Variants in PTPRQ observed in about 807,000 individuals in gnomAD.
PTPRQ encodes protein tyrosine phosphatase receptor type Q.
Under a neutral mutation model 246.0 loss-of-function variants are expected in PTPRQ, and 199 were observed. The observed-to-expected ratio is 0.81, with a 90% CI of 0.72 to 0.91. PTPRQ has a LOEUF of 0.91. Among genes scored for constraint, PTPRQ ranks in the 40% least tolerant of loss-of-function variants. The pLI, the probability that PTPRQ is intolerant of heterozygous loss-of-function variation, is 0.00. For missense variants in PTPRQ, 2,624 were observed against 2,528.4 expected, an observed-to-expected ratio of 1.04 and a Z score of -0.81; for synonymous variants, 869 against 853.2, an observed-to-expected ratio of 1.02 and a Z score of -0.32.
intron 25 of PTPRQ, among the ~76,000 whole-genome samples, chr12:80,552,145 G>A (rs2120880266): frequency 6.6e-6 from 1 of 152,218 alleles, no homozygotes; most frequent in Middle Eastern, 3.4e-3. Context: ...ATGTATTGGA[G>A]AGTACTGGAG....
In PTPRQ at chr12:80,649,655, C is replaced by T; in HGVS notation, c.6010C>T (p.Gln2004Ter). ...TTGCACAAACAACAACCTAAAGTTT[C>T]AAGAAGAATTTTCGGTATGTTACTA... is the stretch of plus-strand genomic sequence containing the variant. ...ELCTNNNLKF[Q>*]EEFSELPKFL... The change falls in exon 37 of 45, where the codon CAA becomes TAA. Residue 2004 changes from glutamine (Q) to a stop codon, truncating the protein, a stop_gained. Coordinates refer to ENST00000644991, the MANE Select transcript of PTPRQ (RefSeq NM_001145026.2). LOFTEE classifies it high-confidence loss of function. 3 of 1,548,648 alleles carry T rather than the reference C, an allele frequency of 1.9e-6. No homozygotes were observed. The highest frequency in any genetic ancestry group is 2.6e-6 in the Non-Finnish European group (3 of 1,145,338).
intron 39 of PTPRQ, 99 bp downstream of exon 39, chr12:80,658,160 C>T: frequency 4.2e-6 from 3 of 712,898 alleles, no homozygotes; most frequent in Non-Finnish European, 6.0e-6. Flanking sequence ...TATTACAACT[C>T]CTATGGATCT....
At chr12:80,452,265 T>C (rs1279490816) in intron 3 of PTPRQ, among the ~76,000 whole-genome samples, 34 of 150,430 alleles carry the variant, frequency 2.3e-4, no homozygotes, top group East Asian at 9.7e-4. Context: ...TGTCTCTGCA[T>C]GTGAGATGGG....
chr12:80,649,073 A>G (rs1312923952), intron 36 of PTPRQ, 150 bp downstream of exon 36: 3 of 719,120 alleles, frequency 4.2e-6, no homozygotes, highest in African/African-American at 1.9e-5. Flanking sequence ...GACTAATTGC[A>G]TGGTAACTGG....
intron 17 of PTPRQ, among the ~76,000 whole-genome samples, chr12:80,531,229 A>C (rs572439375): frequency 2.0e-5 from 3 of 152,286 alleles, no homozygotes; most frequent in African/African-American, 7.2e-5. Flanking sequence ...CAAATTATGC[A>C]ACTACAAAAA....
intron 3 of PTPRQ, among the ~76,000 whole-genome samples, chr12:80,456,950 A>G (rs939690577): frequency 6.6e-5 from 10 of 152,186 alleles, no homozygotes; most frequent in African/African-American, 2.4e-4. Context: ...TGGTAGAACT[A>G]CAGTTAAGCC....
chr12:80,657,552 T>C (rs542901569), intron 38 of PTPRQ, among the ~76,000 whole-genome samples: 1 of 151,956 alleles, frequency 6.6e-6, no homozygotes, highest in East Asian at 1.9e-4. Context: ...CAACATTTTA[T>C]AATTACAAAG....
At chr12:80,561,740 A>T (rs1896833530) in intron 25 of PTPRQ, among the ~76,000 whole-genome samples, 1 of 152,058 alleles carries the variant, frequency 6.6e-6, no homozygotes, top group Non-Finnish European at 1.5e-5. Flanking sequence ...AAAAAGGGTC[A>T]GTTTTGCTTC....
In PTPRQ at chr12:80,534,116, C is replaced by A; in HGVS notation, c.2780C>A (p.Thr927Asn). The part of the protein sequence containing the change: ...VEYSAYVTAS[T>N]RFGDGKTRSN... ...TACAGTGCTTATGTAACAGCTAGCA[C>A]CAGATTTGGTGATGGGAAAACAAGA... is the stretch of plus-strand genomic sequence containing the variant. Residue 927 changes from threonine to asparagine, a missense_variant, in exon 18 of 45, where the codon ACC becomes AAC. By Grantham distance (65) the Thr-to-Asn change is moderately conservative. Transcript: ENST00000644991. 5.2e-6 allele frequency: 8 copies of A among 1,540,858 alleles called. No homozygotes were observed. Among genetic ancestry groups the A allele is most frequent in the South Asian group, 1.2e-5 (1 of 81,908 alleles).
chr12:80,457,316 C>T (rs996164390), intron 3 of PTPRQ, among the ~76,000 whole-genome samples: 3 of 152,052 alleles, frequency 2.0e-5, no homozygotes, highest in Non-Finnish European at 4.4e-5. Flanking sequence ...TGGATTCTTG[C>T]TCTACCATTT....
chr12:80,584,430 A>G (rs1897543956), intron 25 of PTPRQ, among the ~76,000 whole-genome samples: 1 of 152,190 alleles, frequency 6.6e-6, no homozygotes, highest in Non-Finnish European at 1.5e-5. Flanking sequence ...GGACAAATCA[A>G]GTAGTCTCTG....
intron 25 of PTPRQ, among the ~76,000 whole-genome samples, chr12:80,565,897 T>A (rs1896963692): frequency 6.6e-6 from 1 of 152,186 alleles, no homozygotes; most frequent in Admixed American, 6.6e-5. Context: ...AGCTATTTTA[T>A]AAATGTAAGA....
intron 17 of PTPRQ, among the ~76,000 whole-genome samples, chr12:80,531,825 T>G (rs1289455652): frequency 1.3e-5 from 2 of 152,180 alleles, no homozygotes; most frequent in Admixed American, 1.3e-4. Context: ...GAAAAAAATT[T>G]TTTTAGCTTA....
chr12:80,674,505 A>G (rs559048039), intron 43 of PTPRQ, among the ~76,000 whole-genome samples: 1 of 152,244 alleles, frequency 6.6e-6, no homozygotes, highest in Non-Finnish European at 1.5e-5. Context: ...TCCTCCTTGG[A>G]AGATGCTGTT....
chr12:80,445,787 C>T, intron 3 of PTPRQ, 70 bp downstream of exon 3: 1 of 1,084,144 alleles, frequency 9.2e-7, no homozygotes. Flanking sequence ...GGAGGTTTTT[C>T]TCACCTTGTC....
At chr12:80,470,565 G>T (rs1467023646) in intron 7 of PTPRQ, among the ~76,000 whole-genome samples, 2 of 152,114 alleles carry the variant, frequency 1.3e-5, no homozygotes, top group African/African-American at 4.8e-5. Flanking sequence ...CTCATTCAAG[G>T]TTTGGCTATG....
intron 39 of PTPRQ, among the ~76,000 whole-genome samples, chr12:80,668,269 T>C (rs955995819): frequency 4.0e-5 from 6 of 151,878 alleles, no homozygotes; most frequent in African/African-American, 1.2e-4. Flanking sequence ...TCCAGGTAAA[T>C]AGACCAAATT....
rs996832438 is a variant in PTPRQ at position 80,449,113 on chromosome 12, C to A, written c.390+3396C>A. 1.5e-4 allele frequency among the ~76,000 whole-genome samples: 22 copies of A among 151,584 alleles called. No individual in the cohort carries two copies. The East Asian group carries it at 2.3e-3, about 16-fold the overall frequency. ...CTCATTGTGGTTTTGATTTGCATTT[C>A]TCTGATGGCCAGTGATACTGAGCAT... On this transcript the variant is annotated intron_variant, in intron 3 of 44. Coordinates refer to ENST00000644991, the MANE Select transcript of PTPRQ (RefSeq NM_001145026.2).
At chr12:80,588,602 T>G (rs781406684) in intron 26 of PTPRQ, 150 bp downstream of exon 26, 17 of 972,618 alleles carry the variant, frequency 1.7e-5, no homozygotes, top group Non-Finnish European at 2.2e-5. Flanking sequence ...ATATTTAGTT[T>G]TAATTTAGTT....
Sources: allele counts gnomAD v4.1 joint callset (sites outside exome capture counted in the v4.1 genomes callset), GRCh38; gene constraint gnomAD v4.1.1; transcripts MANE v1.5; gene names NCBI Gene and HGNC (gene_info 2026-07-23, HGNC 2026-07-21).